The following SRL variants were observed in gnomAD, a reference collection of about 807,000 sequenced individuals.
SRL encodes sarcalumenin.
SRL carries 23 observed loss-of-function variants against 39.5 expected under a neutral mutation model. The ratio of observed to expected loss-of-function variants is 0.58; its 90% CI spans 0.42 to 0.82. The LOEUF is 0.82. Ranked by LOEUF, SRL falls within the 40% of genes least tolerant of loss-of-function variation. The pLI is 0.00. For missense variants in SRL, 592 were observed against 607.8 expected (o/e 0.97, Z 0.27); for synonymous variants, 272 against 237.4 (o/e 1.15, Z -1.34).
intron 1 of SRL, among the ~76,000 whole-genome samples, chr16:4,217,069 C>G (rs559219984): frequency 1.3e-5 from 2 of 152,302 alleles, no homozygotes; most frequent in South Asian, 4.1e-4. Context: ...TCCAGGGAAG[C>G]TGGAGGGAAT....
chr16:4,204,931 C>T (rs1377312066), intron 1 of SRL, among the ~76,000 whole-genome samples: 1 of 152,208 alleles, frequency 6.6e-6, no homozygotes, highest in Admixed American at 6.5e-5. Flanking sequence ...CCACGCCAGG[C>T]ACTGAGCATC....
intron 1 of SRL, among the ~76,000 whole-genome samples, chr16:4,232,571 C>G (rs1204210085): frequency 2.0e-5 from 3 of 151,860 alleles, no homozygotes; most frequent in Non-Finnish European, 4.4e-5. Flanking sequence ...AGTGCACTGG[C>G]ACAATTACAG....
chr16:4,227,459 G>A (rs1032651078), intron 1 of SRL, among the ~76,000 whole-genome samples: 13 of 151,792 alleles, frequency 8.6e-5, no homozygotes, highest in African/African-American at 3.1e-4. Flanking sequence ...GTGGATAAGT[G>A]AATGGATGAT....
intron 1 of SRL, among the ~76,000 whole-genome samples, chr16:4,226,305 G>A (rs188807173): frequency 1.3e-5 from 2 of 152,352 alleles, no homozygotes; most frequent in African/African-American, 4.8e-5. Context: ...TGGACAGCTG[G>A]ATGGATGAAT....
chr16:4,214,782 T>C lies in SRL; in HGVS notation c.62-10148A>G, dbSNP rs540391011. 1.8e-4 allele frequency among the ~76,000 whole-genome samples: 27 copies of C among 152,090 alleles called. No individual in the cohort carries two copies. The Middle Eastern group carries it at 0.01, about 57-fold the overall frequency. ...CCTTGCTCTTCCACTTTTTTTTTTT[T>C]TTTTAGACGAAGTCTCATTCTGTCG... On this transcript the variant is annotated intron_variant, in intron 1 of 5. Coordinates refer to ENST00000399609, the MANE Select transcript of SRL (RefSeq NM_001098814.2).
chr16:4,210,170 C>T (rs549321131), intron 1 of SRL, among the ~76,000 whole-genome samples: 1 of 152,188 alleles, frequency 6.6e-6, no homozygotes, highest in Non-Finnish European at 1.5e-5. Flanking sequence ...GGACAGGGAG[C>T]TGACTGTTGC....
At chr16:4,228,043 G>C (rs1408053185) in intron 1 of SRL, among the ~76,000 whole-genome samples, 1 of 152,232 alleles carries the variant, frequency 6.6e-6, no homozygotes, top group Non-Finnish European at 1.5e-5. Context: ...GCTGTGGTTA[G>C]GACAGTGGGA....
chr16:4,207,964 G>T (rs532888699), intron 1 of SRL: 55 of 456,736 alleles, frequency 1.2e-4, no homozygotes, highest in African/African-American at 1.1e-3. Flanking sequence ...GGGTAGTGAA[G>T]GAGCAGTTTC....
At chr16:4,206,176 C>G (rs7203388) in intron 1 of SRL, among the ~76,000 whole-genome samples, 4 of 152,094 alleles carry the variant, frequency 2.6e-5, no homozygotes, top group African/African-American at 9.7e-5. Flanking sequence ...TGGCCCCGAG[C>G]CCTTTGAGGG....
Position 4,189,737 on chromosome 16 carries a change from T to G in SRL, c.*2416A>C, listed in dbSNP as rs2052038368. On this transcript the variant is annotated 3_prime_UTR_variant, in exon 6 of 6. Coordinates refer to ENST00000399609, the MANE Select transcript of SRL (RefSeq NM_001098814.2). Reference sequence around the variant, plus strand: ...CGCAGCCCCCTGAAAATATAAATATTGCATGAATGTATTAGCCTCATCCCA... The same window carrying G: ...CGCAGCCCCCTGAAAATATAAATATGGCATGAATGTATTAGCCTCATCCCA... 1 of 152,250 alleles carries G rather than the reference T, an allele frequency of 6.6e-6. No individual in the cohort carries two copies. 9.4% of individuals were successfully genotyped at this position (152,250 alleles called of 1,614,324 possible).
At chr16:4,197,261 G>C (rs9938708) in intron 4 of SRL, among the ~76,000 whole-genome samples, 8,809 of 151,128 alleles carry the variant, frequency 0.058, 796 homozygotes, top group African/African-American at 0.2. Flanking sequence ...GTAGAGACGG[G>C]GTTTCACCAT....
intron 1 of SRL, among the ~76,000 whole-genome samples, chr16:4,213,239 G>T (rs1241454794): frequency 6.6e-6 from 1 of 151,956 alleles, no homozygotes; most frequent in Non-Finnish European, 1.5e-5. Flanking sequence ...GTCTGCCCCA[G>T]TGTCCACAGA....
intron 1 of SRL, chr16:4,207,832 C>A (rs1237970038): frequency 4.4e-6 from 2 of 456,468 alleles, no homozygotes; most frequent in Non-Finnish European, 8.8e-6. Context: ...TCCCTGTCGT[C>A]CCTTTCCCCA....
intron 3 of SRL, among the ~76,000 whole-genome samples, chr16:4,201,638 T>G (rs143001779): frequency 0.15 from 1,637 of 11,058 alleles, 173 homozygotes; most frequent in South Asian, 0.35. Flanking sequence ...GTGTGTGTGT[T>G]TTGTTTGTTT....
intron 3 of SRL, 107 bp downstream of exon 3, chr16:4,203,059 A>G: frequency 1.0e-6 from 1 of 965,644 alleles, no homozygotes; most frequent in Admixed American, 1.8e-5. Context: ...GAGCTCCTGA[A>G]CCTGTGTGGG....
intron 1 of SRL, among the ~76,000 whole-genome samples, chr16:4,217,478 C>T (rs1454719865): frequency 6.6e-6 from 1 of 152,190 alleles, no homozygotes; most frequent in Non-Finnish European, 1.5e-5. Context: ...TCTCAAACTT[C>T]TGGGCTCAAG....
At chr16:4,216,079 C>A (rs1235453383) in intron 1 of SRL, among the ~76,000 whole-genome samples, 1 of 151,816 alleles carries the variant, frequency 6.6e-6, no homozygotes, top group African/African-American at 2.4e-5. Flanking sequence ...GTTTTTAACC[C>A]ATAGAGTCCT....
At chr16:4,210,751 G>C (rs1218933832) in intron 1 of SRL, among the ~76,000 whole-genome samples, 2 of 152,048 alleles carry the variant, frequency 1.3e-5, no homozygotes, top group East Asian at 3.8e-4. Flanking sequence ...TCAAAGTGCT[G>C]GGATTACAGG....
At chr16:4,206,559 G>A (rs1046756140) in intron 1 of SRL, among the ~76,000 whole-genome samples, 4 of 152,036 alleles carry the variant, frequency 2.6e-5, no homozygotes, top group African/African-American at 9.7e-5. Context: ...CCAAGCTGGA[G>A]GCCAGTGGCC....
Sources: allele counts gnomAD v4.1 joint callset (sites outside exome capture counted in the v4.1 genomes callset), GRCh38; gene constraint gnomAD v4.1.1; transcripts MANE v1.5; gene names NCBI Gene and HGNC (gene_info 2026-07-23, HGNC 2026-07-21).